GRID2: variants seen among roughly 807,000 people sequenced by gnomAD.
GRID2 encodes glutamate ionotropic receptor delta type subunit 2, also known as glutamate receptor ionotropic, delta-2.
In GRID2, 33 loss-of-function variants were observed where a neutral mutation model predicts 114.8. The ratio of observed to expected loss-of-function variants is 0.29; its 90% CI spans 0.22 to 0.38. The LOEUF is 0.38. Among genes scored for constraint, GRID2 ranks in the 10% least tolerant of loss-of-function variants. The probability of loss-of-function intolerance (pLI) is 1.00; values close to 1 mark genes in which losing one functional copy is unlikely to be tolerated. For synonymous variants in GRID2, 505 were observed against 449.9 expected, an observed-to-expected ratio of 1.12 and a Z score of -1.55; for missense variants, 1,184 against 1,257.7, an observed-to-expected ratio of 0.94 and a Z score of 0.89.
chr4:93,679,963 C>A (rs998189527), intron 14 of GRID2, among the ~76,000 whole-genome samples: 1 of 150,984 alleles, frequency 6.6e-6, no homozygotes, highest in African/African-American at 2.5e-5. Flanking sequence ...CCAAAAAAAC[C>A]TTTCAAAAAA....
At chr4:93,150,999 C>T (rs1204323239) in intron 4 of GRID2, among the ~76,000 whole-genome samples, 1 of 151,240 alleles carries the variant, frequency 6.6e-6, no homozygotes, top group Admixed American at 6.6e-5. Context: ...CATGGTGGTG[C>T]ACACCTGTAA....
intron 13 of GRID2, among the ~76,000 whole-genome samples, chr4:93,598,910 T>G (rs1739393477): frequency 6.6e-6 from 1 of 152,194 alleles, no homozygotes; most frequent in African/African-American, 2.4e-5. Flanking sequence ...TATTTTTTAT[T>G]TATAATTTCT....
At chr4:93,148,215 A>T (rs573047028) in intron 4 of GRID2, among the ~76,000 whole-genome samples, 1 of 152,350 alleles carries the variant, frequency 6.6e-6, no homozygotes, top group East Asian at 1.9e-4. Context: ...CATCTGCCAT[A>T]TGCCTCTGAA....
At chr4:92,825,740 A>G (rs927216618) in intron 2 of GRID2, among the ~76,000 whole-genome samples, 4 of 152,138 alleles carry the variant, frequency 2.6e-5, no homozygotes, top group Admixed American at 1.3e-4. Context: ...ATGTAATGCA[A>G]GGAGCCAAGG....
chr4:93,082,100 G>A (rs1049729839), intron 2 of GRID2, among the ~76,000 whole-genome samples: 2 of 152,212 alleles, frequency 1.3e-5, no homozygotes, highest in Non-Finnish European at 2.9e-5. Context: ...CCTTGAAGGG[G>A]AAATGGCAGG....
intron 2 of GRID2, among the ~76,000 whole-genome samples, chr4:92,736,418 A>G (rs536851813): frequency 1.1e-4 from 17 of 152,226 alleles, no homozygotes; most frequent in African/African-American, 3.4e-4. Context: ...TCGTTTTAAG[A>G]TGCTAACTTT....
At chr4:92,445,709 C>T (rs1027085012) in intron 1 of GRID2, among the ~76,000 whole-genome samples, 3 of 152,170 alleles carry the variant, frequency 2.0e-5, no homozygotes, top group Non-Finnish European at 2.9e-5. Context: ...CTAGCCCCAT[C>T]GTGGTGTGGT....
At chr4:93,467,240 A>G (rs1724371056) in intron 11 of GRID2, among the ~76,000 whole-genome samples, 1 of 151,298 alleles carries the variant, frequency 6.6e-6, no homozygotes, top group Admixed American at 6.6e-5. Context: ...ATTATTTAAT[A>G]TAAACAATCT....
intron 14 of GRID2, among the ~76,000 whole-genome samples, chr4:93,699,011 G>A (rs1727279990): frequency 6.6e-6 from 1 of 152,036 alleles, no homozygotes. Context: ...ACATGAGAAA[G>A]TAGGTAAAGT....
intron 1 of GRID2, among the ~76,000 whole-genome samples, chr4:92,489,825 G>A (rs1012673160): frequency 2.0e-5 from 3 of 149,026 alleles, no homozygotes; most frequent in Admixed American, 6.7e-5. Flanking sequence ...CAGCCTGGGC[G>A]ATAGAGCGAG....
chr4:92,960,535 C>T (rs905766061), intron 2 of GRID2, among the ~76,000 whole-genome samples: 1 of 151,950 alleles, frequency 6.6e-6, no homozygotes, highest in Non-Finnish European at 1.5e-5. Context: ...CTGATACTAT[C>T]CTTGCTCTGA....
At chr4:93,082,844 T>C (rs1729985794) in intron 2 of GRID2, among the ~76,000 whole-genome samples, 1 of 152,212 alleles carries the variant, frequency 6.6e-6, no homozygotes, top group African/African-American at 2.4e-5. Flanking sequence ...TAATAGGAAG[T>C]AACAGTGGGT....
At chr4:93,694,826 C>T (rs1454476143) in intron 14 of GRID2, among the ~76,000 whole-genome samples, 1 of 152,030 alleles carries the variant, frequency 6.6e-6, no homozygotes, top group African/African-American at 2.4e-5. Flanking sequence ...TATAATTACC[C>T]GGAAATGCTC....
At chr4:93,697,292 GCT>G (rs1727103202) in intron 14 of GRID2, among the ~76,000 whole-genome samples, 1 of 152,060 alleles carries the variant, frequency 6.6e-6, no homozygotes, top group Non-Finnish European at 1.5e-5. Flanking sequence ...TAGTTTGTGG[GCT>G]CTTAGAATCC....
intron 1 of GRID2, among the ~76,000 whole-genome samples, chr4:92,437,406 T>A (rs1445212602): frequency 2.0e-5 from 3 of 152,122 alleles, no homozygotes; most frequent in Non-Finnish European, 4.4e-5. Flanking sequence ...TGGCCTCCCA[T>A]GAAGCTGGGA....
chr4:92,838,617 A>G (rs1742647066), intron 2 of GRID2, among the ~76,000 whole-genome samples: 2 of 152,132 alleles, frequency 1.3e-5, no homozygotes, highest in African/African-American at 4.8e-5. Context: ...TTGCATGTAC[A>G]TTTCTATTAT....
chr4:92,600,024 ATGTGTGTGTG>A lies in GRID2; in HGVS notation c.244+9750_244+9759del, dbSNP rs145357264. 1.7e-3 allele frequency among the ~76,000 whole-genome samples: 139 copies of A among 79,648 alleles called. 2 individuals are homozygous for A. The highest frequency in any genetic ancestry group is 0.015 in the Middle Eastern group (2 of 130). The allele number at this position is 79,648 out of a possible 152,430, so 52.3% of individuals were successfully genotyped here. A position where few individuals can be genotyped will look rare whatever the true frequency, so the allele number is the denominator to read the frequency against. On this transcript the variant is annotated intron_variant, in intron 2 of 15. Coordinates refer to ENST00000282020, the MANE Select transcript of GRID2 (RefSeq NM_001510.4). ...TGGGCGACAGGGCAATACTTCATGT[ATGTGTGTGTG>A]TGTGTGTGTGTATATATATATATAT...
intron 2 of GRID2, among the ~76,000 whole-genome samples, chr4:92,867,669 T>G (rs1744971044): frequency 6.6e-6 from 1 of 152,020 alleles, no homozygotes; most frequent in South Asian, 2.1e-4. Flanking sequence ...TTTTTAACAC[T>G]TGGTTGCTCA....
intron 2 of GRID2, among the ~76,000 whole-genome samples, chr4:92,986,322 T>A (rs1754507139): frequency 6.6e-6 from 1 of 152,124 alleles, no homozygotes; most frequent in South Asian, 2.1e-4. Flanking sequence ...TAAAATATTT[T>A]CAATAAAGAG....
Sources: allele counts gnomAD v4.1 joint callset (sites outside exome capture counted in the v4.1 genomes callset), GRCh38; gene constraint gnomAD v4.1.1; transcripts MANE v1.5; gene names NCBI Gene and HGNC (gene_info 2026-07-23, HGNC 2026-07-21).